The following KLKB1 variants were observed in gnomAD, a reference collection of about 807,000 sequenced individuals.
KLKB1 encodes the protein plasma kallikrein.
In KLKB1, 58 loss-of-function variants were observed where a neutral mutation model predicts 73.6. That is an observed-to-expected ratio of 0.79 (90% CI 0.64 to 0.98). KLKB1 has a LOEUF of 0.98. KLKB1 is among the 50% of genes least tolerant of loss of function. KLKB1 has a pLI of 0.00. For synonymous variants in KLKB1, 280 were observed against 258.1 expected (o/e 1.08, Z -0.81); for missense variants, 737 against 763.8 (o/e 0.96, Z 0.41).
At chr4:186,237,644 G>GATTTTTTTCCTT (rs1309113624) in intron 5 of KLKB1, among the ~76,000 whole-genome samples, 1 of 152,066 alleles carries the variant, frequency 6.6e-6, no homozygotes, top group African/African-American at 2.4e-5. Flanking sequence ...ATTAACTTGT[G>GATTTTTTTCCTT]ATTTTTTTCC....
intron 11 of KLKB1, among the ~76,000 whole-genome samples, chr4:186,252,780 TC>T (rs1291207303): frequency 6.6e-6 from 1 of 151,840 alleles, no homozygotes; most frequent in Non-Finnish European, 1.5e-5. Context: ...GATGTGTTCT[TC>T]AAAGACTTAT....
upstream of KLKB1, among the ~76,000 whole-genome samples, chr4:186,227,129 C>T (rs923466945): frequency 6.6e-6 from 1 of 152,158 alleles, no homozygotes; most frequent in African/African-American, 2.4e-5. Context: ...TCTCTCCATA[C>T]TGTGCTGCCC....
At chr4:186,220,505 C>G (rs1737009895) in intron 2 of KLKB1, among the ~76,000 whole-genome samples, 1 of 152,210 alleles carries the variant, frequency 6.6e-6, no homozygotes, top group Non-Finnish European at 1.5e-5. Context: ...TACCACCATT[C>G]TACTCTCTGT....
At chr4:186,250,478 T>C in intron 7 of KLKB1, 76 bp downstream of exon 7, 2 of 1,522,848 alleles carry the variant, frequency 1.3e-6, no homozygotes, top group Non-Finnish European at 1.8e-6. Context: ...TTCATCACTT[T>C]TATAGTCTGA....
intron 11 of KLKB1, among the ~76,000 whole-genome samples, chr4:186,252,612 T>C (rs1225584882): frequency 5.8e-4 from 60 of 103,182 alleles, no homozygotes; most frequent in Middle Eastern, 5.2e-3. Flanking sequence ...CCACCACCAA[T>C]CCCGCCACCC....
At chr4:186,246,640 A>G (rs1214724598) in intron 6 of KLKB1, among the ~76,000 whole-genome samples, 1 of 135,306 alleles carries the variant, frequency 7.4e-6, no homozygotes, top group African/African-American at 2.8e-5. Flanking sequence ...CTAAGGGAGA[A>G]GAAGGAGGAA....
chr4:186,245,484 G>A (rs1165445506), intron 6 of KLKB1, among the ~76,000 whole-genome samples: 2 of 152,180 alleles, frequency 1.3e-5, no homozygotes, highest in Non-Finnish European at 2.9e-5. Flanking sequence ...GATTTCTAGT[G>A]GGGTCCCACA....
At chr4:186,245,912 G>A (rs938209312) in intron 6 of KLKB1, among the ~76,000 whole-genome samples, 18 of 150,856 alleles carry the variant, frequency 1.2e-4, no homozygotes, top group Middle Eastern at 3.2e-3. Flanking sequence ...GTCTAGGGCT[G>A]TAAAGCGTCT....
At chr4:186,241,846 T>G (rs979044045) in intron 6 of KLKB1, among the ~76,000 whole-genome samples, 3 of 152,224 alleles carry the variant, frequency 2.0e-5, no homozygotes, top group African/African-American at 7.2e-5. Context: ...ATCAACTGGT[T>G]GCTTGGCCAA....
chr4:186,237,759 C>T (rs1737770416), intron 5 of KLKB1, among the ~76,000 whole-genome samples: 1 of 152,004 alleles, frequency 6.6e-6, no homozygotes, highest in East Asian at 1.9e-4. Flanking sequence ...TTTGGTATAT[C>T]CATCACTGGA....
chr4:186,224,324 A>T (rs1012692713), upstream of KLKB1, among the ~76,000 whole-genome samples: 1 of 151,810 alleles, frequency 6.6e-6, no homozygotes, highest in South Asian at 2.1e-4. Flanking sequence ...CATCTTCCAG[A>T]TGCCAGAATG....
chr4:186,215,262 A>G (rs4862667), intron 2 of KLKB1, among the ~76,000 whole-genome samples: 133,410 of 148,874 alleles, frequency 0.9, 59,817 homozygotes, highest in East Asian at 0.93. Context: ...AAAAAAAAAT[A>G]TGTAGGCACA....
At chr4:186,229,556 A>T (rs1511801) in intron 2 of KLKB1, among the ~76,000 whole-genome samples, 89,409 of 151,962 alleles carry the variant, frequency 0.59, 27,172 homozygotes, top group African/African-American at 0.74. Flanking sequence ...GTAGAATACA[A>T]TTTTTGAAAT....
intron 2 of KLKB1, among the ~76,000 whole-genome samples, chr4:186,216,204 T>G (rs1288249751): frequency 1.3e-5 from 2 of 152,226 alleles, no homozygotes; most frequent in Admixed American, 1.3e-4. Flanking sequence ...CCTCAATCTC[T>G]TGTTTTTAAA....
intron 2 of KLKB1, among the ~76,000 whole-genome samples, chr4:186,213,891 T>A (rs530204525): frequency 6.6e-6 from 1 of 152,228 alleles, no homozygotes; most frequent in Non-Finnish European, 1.5e-5. Flanking sequence ...ACCCTCTTTT[T>A]CTAGGAGCAG....
chr4:186,215,931 C>T (rs1579983074), intron 2 of KLKB1, among the ~76,000 whole-genome samples: 1 of 152,136 alleles, frequency 6.6e-6, no homozygotes, highest in South Asian at 2.1e-4. Flanking sequence ...ATGTTGTAGC[C>T]AGTGTTGGTT....
upstream of KLKB1, among the ~76,000 whole-genome samples, chr4:186,223,073 C>T (rs1737065363): frequency 6.6e-6 from 1 of 152,166 alleles, no homozygotes; most frequent in South Asian, 2.1e-4. Context: ...CTCTCTCCTG[C>T]TGCCTTGTGA....
intron 2 of KLKB1, among the ~76,000 whole-genome samples, chr4:186,215,642 T>C (rs1474451590): frequency 6.6e-6 from 1 of 152,134 alleles, no homozygotes; most frequent in Admixed American, 6.5e-5. Context: ...GGCGCAATTG[T>C]GGCTCACTGC....
At chr4:186,225,873 TA>T (rs370309500), upstream of KLKB1, among the ~76,000 whole-genome samples, 177 of 152,348 alleles carry the variant, frequency 1.2e-3, no homozygotes, top group Non-Finnish European at 2.2e-3. Context: ...TCTCTTTCTC[TA>T]CTTCTTCTGG....
Sources: gnomAD v4.1 joint callset for allele counts (sites outside exome capture counted in the v4.1 genomes callset) on GRCh38, gnomAD v4.1.1 for gene constraint, MANE v1.5 for transcripts, NCBI Gene and HGNC (gene_info 2026-07-23, HGNC 2026-07-21) for gene names.